Variants in UIMC1 observed in about 807,000 individuals in gnomAD.
The protein encoded by UIMC1 is ubiquitin interaction motif containing 1, also known as BRCA1-A complex subunit RAP80.
In UIMC1, 42 loss-of-function variants were observed where a neutral mutation model predicts 84.9. That is an observed-to-expected ratio of 0.49 (90% confidence interval 0.39 to 0.64). The LOEUF is 0.64. Ranked by LOEUF, UIMC1 falls within the 30% of genes least tolerant of loss-of-function variation. The pLI is 0.00. For missense variants in UIMC1, 825 were observed against 847.6 expected, an observed-to-expected ratio of 0.97 and a Z score of 0.33; for synonymous variants, 281 against 293.0, an observed-to-expected ratio of 0.96 and a Z score of 0.42.
chr5:176,935,400 T>C (rs1581440242), intron 10 of UIMC1, among the ~76,000 whole-genome samples: 1 of 152,322 alleles, frequency 6.6e-6, no homozygotes, highest in African/African-American at 2.4e-5. Flanking sequence ...TGTCCCTTAG[T>C]AGTTCTGACC....
intron 7 of UIMC1, 117 bp downstream of exon 7, chr5:176,957,976 A>G: frequency 1.2e-6 from 1 of 856,128 alleles, no homozygotes; most frequent in South Asian, 2.8e-5. Context: ...GTCTTCACTT[A>G]TAAAAGAGCT....
rs148925237 is a variant in UIMC1 at position 177,021,043 on chromosome 5, C to T, written c.-9+1421G>A. Among the ~76,000 whole-genome samples the T allele has an allele frequency of 2.5e-3, 382 of 152,104 alleles. 4 individuals are homozygous for T. The highest frequency in any genetic ancestry group is 8.8e-3 in the African/African-American group (364 of 41,498). On this transcript the variant is annotated intron_variant, in intron 1 of 5. Transcript: ENST00000509236. ...GCCTGTAATCTCAGCATTTTGGGAGCCCGAGGCAGGCAGATTATGAGATCA... is the reference window on the plus strand; with the variant it reads ...GCCTGTAATCTCAGCATTTTGGGAGTCCGAGGCAGGCAGATTATGAGATCA...
At chr5:176,961,996 G>C (rs1326055260) in intron 6 of UIMC1, among the ~76,000 whole-genome samples, 1 of 69,786 alleles carries the variant, frequency 1.4e-5, no homozygotes, top group Non-Finnish European at 2.9e-5. Context: ...GAGGTGGGGG[G>C]GTCAGCCCCC....
At chr5:176,951,098 A>G (rs928543235) in intron 9 of UIMC1, among the ~76,000 whole-genome samples, 12 of 152,122 alleles carry the variant, frequency 7.9e-5, no homozygotes, top group Admixed American at 3.9e-4. Context: ...TTTTTCCAAG[A>G]CTGTTTGTCT....
chr5:176,955,959 C>T lies in UIMC1; in HGVS notation c.1339G>A (p.Glu447Lys), dbSNP rs1253146881. Residue 447 changes from glutamate (E) to lysine (K), a missense_variant and splice_region_variant, in exon 8 of 15, where the codon GAG (glutamate) becomes AAG (lysine). By Grantham distance (56) the Glu-to-Lys change is moderately conservative (BLOSUM62 1). Transcript: ENST00000511320. ...AGTAAAATCACAGTGGGGTACTTAC[C>T]AGGACAAACAGTGATTTCTTCTGCA... ...SSAEEITVCP[E>K]TQLSSSETFD... The T allele has an allele frequency of 1.2e-6, 2 of 1,612,792 alleles. No homozygotes were observed. Among genetic ancestry groups the T allele is most frequent in the South Asian group, 1.1e-5 (1 of 90,946 alleles).
intron 3 of UIMC1, among the ~76,000 whole-genome samples, chr5:176,971,127 A>G (rs1198488102): frequency 1.3e-5 from 2 of 152,262 alleles, no homozygotes; most frequent in African/African-American, 4.8e-5. Flanking sequence ...GTTCACTGTT[A>G]TACCTCCAGC....
At chr5:176,955,925 C>A in intron 8 of UIMC1, 34 bp downstream of exon 8, 1 of 1,601,576 alleles carries the variant, frequency 6.2e-7, no homozygotes, top group South Asian at 1.1e-5. Flanking sequence ...AAATAGGTAT[C>A]AGAAATTCAG....
intron 11 of UIMC1, among the ~76,000 whole-genome samples, chr5:176,910,358 T>C (rs569199600): frequency 3.2e-4 from 49 of 152,384 alleles, no homozygotes; most frequent in African/African-American, 1.1e-3. Context: ...ACCTTTGTGC[T>C]ATCTTTGATG....
At chr5:176,966,669 A>G (rs546667291) in intron 6 of UIMC1, among the ~76,000 whole-genome samples, 2 of 152,318 alleles carry the variant, frequency 1.3e-5, no homozygotes, top group African/African-American at 4.8e-5. Flanking sequence ...TAATCTAGCT[A>G]CTTCAGAAAA....
At chr5:176,911,288 G>A (rs775449830) in intron 11 of UIMC1, 23 bp downstream of exon 11, 38 of 1,573,576 alleles carry the variant, frequency 2.4e-5, no homozygotes, top group South Asian at 9.6e-5. Context: ...CAAGAGCTCC[G>A]TGAATGCAGC....
chr5:176,974,376 A>G (rs1310373061), intron 3 of UIMC1, among the ~76,000 whole-genome samples: 1 of 152,222 alleles, frequency 6.6e-6, no homozygotes. Flanking sequence ...CTTACCTTGC[A>G]CCATATACAA....
intron 1 of UIMC1, among the ~76,000 whole-genome samples, chr5:176,990,602 A>C (rs1476698426): frequency 1.3e-5 from 2 of 152,208 alleles, no homozygotes; most frequent in Admixed American, 6.5e-5. Context: ...CCCAAACTGT[A>C]ACAGAAATGG....
intron 3 of UIMC1, among the ~76,000 whole-genome samples, chr5:176,973,003 C>T (rs1769500614): frequency 6.6e-6 from 1 of 151,212 alleles, no homozygotes. Context: ...GCAACCTCTG[C>T]CTCCCAGGTT....
At position 176,951,504 on chromosome 5, in the gene UIMC1, A is replaced by C; in HGVS notation, c.1413T>G (p.Asp471Glu). The change falls in exon 9 of 15, where the codon GAT becomes GAG. Residue 471 changes from aspartate to glutamate, a missense_variant. Asp to Glu is a conservative substitution (Grantham distance 45). Coordinates refer to ENST00000511320, the MANE Select transcript of UIMC1 (RefSeq NM_001199298.2). ...TATCTGCCATTATTATTCTGACTCCATCCAAGATATCTCTGCTACCTGGAG... is the reference window on the plus strand; with the variant it reads ...TATCTGCCATTATTATTCTGACTCCCTCCAAGATATCTCTGCTACCTGGAG... ...EVSPGSRDIL[D>E]GVRIIMADKE... is the part of the protein sequence containing the mutation. 1 of 1,581,142 alleles carries C rather than the reference A, an allele frequency of 6.3e-7. No homozygotes were observed. The highest frequency in any genetic ancestry group is 8.6e-7 in the Non-Finnish European group (1 of 1,165,906).
chr5:176,922,084 G>T (rs1240464945), intron 10 of UIMC1, among the ~76,000 whole-genome samples: 1 of 152,086 alleles, frequency 6.6e-6, no homozygotes, highest in Non-Finnish European at 1.5e-5. Context: ...AGTCTCCCTT[G>T]ATCTTTCTCT....
chr5:177,009,289 A>G (rs1775493488), upstream of UIMC1, among the ~76,000 whole-genome samples: 1 of 151,980 alleles, frequency 6.6e-6, no homozygotes, highest in Non-Finnish European at 1.5e-5. The surrounding 1 kb of genome is among the most constrained non-coding windows in gnomAD (Gnocchi z 4.3). Context: ...GATTACAGGC[A>G]TAAGCCACTG....
At chr5:176,908,424 G>C in intron 12 of UIMC1, 99 bp downstream of exon 12, 1 of 1,197,610 alleles carries the variant, frequency 8.3e-7, no homozygotes, top group South Asian at 2.2e-5. Context: ...AGAGGGAAGA[G>C]GGGAGGGAGA....
At position 176,908,503 on chromosome 5, in the gene UIMC1, CCAAAA is replaced by C; in HGVS notation, c.1848+15_1848+19del. On this transcript the variant is annotated intron_variant, in intron 12 of 14. Coordinates refer to ENST00000511320, the MANE Select transcript of UIMC1 (RefSeq NM_001199298.2). ...AACCAGGAGGGTTAGGTGGCCTTTC[CCAAAA>C]CACTCTACACATACCTTTGGGTTCT... The C allele has an allele frequency of 6.2e-7, 1 of 1,604,228 alleles. No individual in the cohort carries two copies. Among genetic ancestry groups the C allele is most frequent in the South Asian group, 1.1e-5 (1 of 89,644 alleles).
intron 1 of UIMC1, among the ~76,000 whole-genome samples, chr5:176,998,762 C>A (rs910917411): frequency 2.0e-5 from 3 of 151,744 alleles, no homozygotes; most frequent in African/African-American, 7.3e-5. Context: ...AGCAAAACTC[C>A]GTCTCAAAAA....
Sources: gnomAD v4.1 joint callset for allele counts (sites outside exome capture counted in the v4.1 genomes callset) on GRCh38, gnomAD v4.1.1 for gene constraint, Gnocchi (gnomAD v3.1) non-coding constraint, MANE v1.5 for transcripts, NCBI Gene and HGNC (gene_info 2026-07-23, HGNC 2026-07-21) for gene names.